The following COPG2 variants were observed in gnomAD, a reference collection of about 807,000 sequenced individuals.
COPG2 encodes coat protein complex I subunit gamma 2, also known as coatomer subunit gamma-2.
A neutral mutation model predicts 46.3 loss-of-function variants in COPG2; 37 were observed. The observed-to-expected ratio is 0.80, with a 90% CI of 0.61 to 1.05. The LOEUF is 1.05. COPG2 is among the 50% of genes least tolerant of loss of function. The probability of loss-of-function intolerance (pLI) is 0.00; values close to 1 mark genes in which losing one functional copy is unlikely to be tolerated. For missense variants in COPG2, 427 were observed against 387.8 expected, an observed-to-expected ratio of 1.10 and a Z score of -0.85; for synonymous variants, 159 against 129.7, an observed-to-expected ratio of 1.23 and a Z score of -1.53.
chr7:130,564,046 A>G (rs1793762791), intron 10 of COPG2, among the ~76,000 whole-genome samples: 2 of 152,126 alleles, frequency 1.3e-5, no homozygotes, highest in East Asian at 3.8e-4. Context: ...AATTCTTTCA[A>G]AAGTTTTATA....
chr7:130,592,592 G>C (rs971331184), intron 9 of COPG2, among the ~76,000 whole-genome samples: 2 of 151,914 alleles, frequency 1.3e-5, no homozygotes, highest in Admixed American at 1.3e-4. Context: ...GGAATAAAAA[G>C]AACTTTTATG....
chr7:130,591,864 G>A (rs1794434453), intron 9 of COPG2, among the ~76,000 whole-genome samples: 1 of 151,892 alleles, frequency 6.6e-6, no homozygotes, highest in Non-Finnish European at 1.5e-5. Context: ...GAAGTGAGGA[G>A]CCCCTCTGCC....
intron 9 of COPG2, among the ~76,000 whole-genome samples, chr7:130,593,227 C>A (rs782141393): frequency 3.9e-5 from 6 of 152,258 alleles, no homozygotes; most frequent in Non-Finnish European, 8.8e-5. Flanking sequence ...ATTTTGGCAG[C>A]ATGCCCAGTC....
At chr7:130,565,084 C>G (rs918145193) in intron 9 of COPG2, among the ~76,000 whole-genome samples, 1 of 152,128 alleles carries the variant, frequency 6.6e-6, no homozygotes, top group African/African-American at 2.4e-5. Context: ...TAAAATATTT[C>G]TGGGGATACA....
intron 9 of COPG2, among the ~76,000 whole-genome samples, chr7:130,587,477 A>C (rs1794299239): frequency 6.6e-6 from 1 of 152,046 alleles, no homozygotes. Context: ...TTTGAATAAA[A>C]ATTTTAATTG....
chr7:130,667,425 C>A, intron 2 of COPG2, 57 bp downstream of exon 2: 2 of 1,412,660 alleles, frequency 1.4e-6, no homozygotes, highest in South Asian at 1.2e-5. Context: ...GGATTCTCTG[C>A]CCACCACTCT....
intron 20 of COPG2, among the ~76,000 whole-genome samples, chr7:130,530,375 C>G (rs1483021007): frequency 6.6e-6 from 1 of 151,600 alleles, no homozygotes; most frequent in African/African-American, 2.4e-5. Flanking sequence ...CTTGATGGAA[C>G]AGAAAGAAAG....
chr7:130,619,203 A>T (rs1794998300), intron 5 of COPG2, among the ~76,000 whole-genome samples: 1 of 152,184 alleles, frequency 6.6e-6, no homozygotes, highest in Non-Finnish European at 1.5e-5. Context: ...GCCACAAGCT[A>T]AATGTGTCTA....
At chr7:130,612,931 G>A (rs1048297484) in intron 7 of COPG2, among the ~76,000 whole-genome samples, 2 of 152,168 alleles carry the variant, frequency 1.3e-5, no homozygotes, top group South Asian at 2.1e-4. Context: ...AAGGGTCCTA[G>A]GTTTCTTTCC....
chr7:130,613,384 G>C lies in COPG2; in HGVS notation c.492+160C>G, dbSNP rs535211348. ...ACCAGTACTGGTCTGAAGCCCTGGG[G>C]TGGGGACCCCTGCTCTAGATAAAAC... On this transcript the variant is annotated intron_variant, in intron 7 of 23. Coordinates refer to ENST00000425248, the MANE Select transcript of COPG2 (RefSeq NM_012133.6). 2.6e-5 allele frequency among the ~76,000 whole-genome samples: 4 copies of C among 152,048 alleles called. No homozygotes were observed. The East Asian group carries it at 7.7e-4, about 29-fold the overall frequency.
intron 20 of COPG2, chr7:130,511,694 T>C (rs1554441035): frequency 1.9e-6 from 1 of 513,138 alleles, no homozygotes; most frequent in South Asian, 1.4e-5. Context: ...AAAGAAAATA[T>C]TACATAAGGA....
At chr7:130,633,731 C>T (rs543013872) in intron 5 of COPG2, among the ~76,000 whole-genome samples, 65 of 152,186 alleles carry the variant, frequency 4.3e-4, no homozygotes, top group Non-Finnish European at 7.6e-4. Context: ...TAATTAGATC[C>T]CATTTGTCTA....
In COPG2 at chr7:130,617,084, G is replaced by T; in HGVS notation, c.324-19C>A. Reference sequence around the variant, plus strand: ...AGTCAGACTAAGAAAAATCAAATTGGTTAACATAAGATCAATTAAAATCTC... The same window carrying T: ...AGTCAGACTAAGAAAAATCAAATTGTTTAACATAAGATCAATTAAAATCTC... On this transcript the variant is annotated intron_variant, in intron 5 of 23. Coordinates refer to ENST00000425248, the MANE Select transcript of COPG2 (RefSeq NM_012133.6). 1 of 1,525,994 alleles carries T rather than the reference G, an allele frequency of 6.6e-7. No homozygotes were observed. The allele number at this position is 1,525,994 out of a possible 1,614,324, so 94.5% of individuals were successfully genotyped here.
At chr7:130,532,028 G>T in intron 20 of COPG2, among the ~76,000 whole-genome samples, 1 of 152,302 alleles carries the variant, frequency 6.6e-6, no homozygotes, top group East Asian at 1.9e-4. Context: ...CCGCCTTGGG[G>T]TCCTGCATCC....
At chr7:130,584,954 A>G (rs1281350125) in intron 9 of COPG2, among the ~76,000 whole-genome samples, 1 of 152,026 alleles carries the variant, frequency 6.6e-6, no homozygotes, top group Non-Finnish European at 1.5e-5. Flanking sequence ...TCTTCACAGA[A>G]TTAGAAAAAA....
chr7:130,636,560 G>A (rs1197119239), intron 5 of COPG2, among the ~76,000 whole-genome samples: 3 of 54,126 alleles, frequency 5.5e-5, no homozygotes, highest in Non-Finnish European at 1.2e-4. Flanking sequence ...TTTTTTTTTT[G>A]CTTTCATTTG....
chr7:130,590,712 C>T (rs1554448687), intron 9 of COPG2, among the ~76,000 whole-genome samples: 3 of 150,312 alleles, frequency 2.0e-5, no homozygotes, highest in Admixed American at 6.6e-5. Context: ...TCTGCCTGGC[C>T]GCCCATCGTC....
At chr7:130,593,180 T>C (rs1554449259) in intron 9 of COPG2, among the ~76,000 whole-genome samples, 7 of 152,258 alleles carry the variant, frequency 4.6e-5, no homozygotes, top group Non-Finnish European at 1.0e-4. Flanking sequence ...TTTCTGGAAG[T>C]AAAGCAAAGG....
intron 8 of COPG2, among the ~76,000 whole-genome samples, chr7:130,611,947 C>T (rs781954666): frequency 1.3e-5 from 2 of 152,188 alleles, no homozygotes; most frequent in Non-Finnish European, 2.9e-5. Context: ...TACAAAGGGT[C>T]ATCTAGCTTC....
Sources: gnomAD v4.1 joint callset for allele counts (sites outside exome capture counted in the v4.1 genomes callset) on GRCh38, gnomAD v4.1.1 for gene constraint, MANE v1.5 for transcripts, NCBI Gene and HGNC (gene_info 2026-07-23, HGNC 2026-07-21) for gene names.